The following ZNHIT6 variants were observed in gnomAD, a reference collection of about 807,000 sequenced individuals.
The protein encoded by ZNHIT6 is box C/D snoRNA protein 1.
In ZNHIT6, 45 loss-of-function variants were observed where a neutral mutation model predicts 57.2. The observed-to-expected ratio is 0.79, with a 90% CI of 0.62 to 1.01. The LOEUF is 1.01. ZNHIT6 is among the 50% of genes least tolerant of loss of function. The pLI, the probability that ZNHIT6 is intolerant of heterozygous loss-of-function variation, is 0.00. For synonymous variants in ZNHIT6, 188 were observed against 190.0 expected, an observed-to-expected ratio of 0.99 and a Z score of 0.09; for missense variants, 528 against 567.3, an observed-to-expected ratio of 0.93 and a Z score of 0.70.
At chr1:85,665,296 A>AT (rs890742141) in intron 8 of ZNHIT6, among the ~76,000 whole-genome samples, 6 of 144,902 alleles carry the variant, frequency 4.1e-5, no homozygotes, top group South Asian at 4.4e-4. Context: ...TTTGATTTTT[A>AT]TTTTTTTTTG....
At chr1:85,655,340 G>A (rs1403666993) in intron 9 of ZNHIT6, among the ~76,000 whole-genome samples, 1 of 152,124 alleles carries the variant, frequency 6.6e-6, no homozygotes, top group Non-Finnish European at 1.5e-5. Context: ...AAAGGTGAGC[G>A]AGGGAGAATG....
intron 8 of ZNHIT6, among the ~76,000 whole-genome samples, chr1:85,675,548 G>C (rs1167158753): frequency 3.9e-5 from 6 of 152,104 alleles, no homozygotes; most frequent in Non-Finnish European, 5.9e-5. Flanking sequence ...AAGGGCCCTA[G>C]GATCTCTGGA....
rs1018053081 is a variant in ZNHIT6 at position 85,653,089 on chromosome 1, A to G, written c.*969T>C. ...AACACCCTTCTGCAGTAATGATGAG[A>G]GTGGGCTAGGAATGTGATGAAAGGC... On this transcript the variant is annotated 3_prime_UTR_variant, in exon 10 of 10. Coordinates refer to ENST00000370574, the MANE Select transcript of ZNHIT6 (RefSeq NM_017953.4). 1 of 152,114 alleles carries G rather than the reference A, an allele frequency of 6.6e-6. No homozygotes were observed. Among genetic ancestry groups the G allele is most frequent in the Non-Finnish European group, 1.5e-5 (1 of 68,032 alleles). 9.4% of individuals were successfully genotyped at this position (152,114 alleles called of 1,614,324 possible). A position where few individuals can be genotyped will look rare whatever the true frequency, so the allele number is the denominator to read the frequency against.
intron 9 of ZNHIT6, among the ~76,000 whole-genome samples, chr1:85,654,807 T>C (rs1414314067): frequency 6.6e-6 from 1 of 152,182 alleles, no homozygotes; most frequent in Non-Finnish European, 1.5e-5. Flanking sequence ...AAGGAAATAA[T>C]AGGTAGTAAC....
chr1:85,703,377 A>G (rs556979550), intron 4 of ZNHIT6, among the ~76,000 whole-genome samples: 12 of 152,344 alleles, frequency 7.9e-5, no homozygotes, highest in African/African-American at 2.6e-4. Context: ...GGACTTAATC[A>G]GATAACAAGT....
chr1:85,681,285 A>T (rs1661865209), intron 5 of ZNHIT6, among the ~76,000 whole-genome samples: 2 of 152,320 alleles, frequency 1.3e-5, no homozygotes, highest in South Asian at 4.1e-4. Flanking sequence ...AGCTGGCTGG[A>T]GATACACTTC....
intron 9 of ZNHIT6, among the ~76,000 whole-genome samples, chr1:85,654,542 A>T (rs1661007061): frequency 6.6e-6 from 1 of 152,174 alleles, no homozygotes; most frequent in Non-Finnish European, 1.5e-5. Context: ...CACAGGAAAG[A>T]AGAATAGAAA....
chr1:85,694,778 A>G (rs1177418360), intron 5 of ZNHIT6, among the ~76,000 whole-genome samples: 2 of 152,206 alleles, frequency 1.3e-5, no homozygotes, highest in African/African-American at 4.8e-5. Context: ...TTCATAATAA[A>G]ATATGGGAAA....
At chr1:85,670,610 T>C (rs886941140) in intron 8 of ZNHIT6, among the ~76,000 whole-genome samples, 1 of 152,198 alleles carries the variant, frequency 6.6e-6, no homozygotes, top group African/African-American at 2.4e-5. Context: ...ATTTAAGTTT[T>C]ATTGGGATAA....
chr1:85,677,439 G>T, intron 7 of ZNHIT6, 126 bp from the exon 8 acceptor site: 1 of 626,040 alleles, frequency 1.6e-6, no homozygotes, highest in Non-Finnish European at 2.5e-6. Flanking sequence ...TAGAAAAGGA[G>T]ATAAAGATGT....
At chr1:85,659,492 A>G (rs1661166523) in intron 8 of ZNHIT6, among the ~76,000 whole-genome samples, 1 of 152,202 alleles carries the variant, frequency 6.6e-6, no homozygotes, top group Non-Finnish European at 1.5e-5. Context: ...GATCCAGCCT[A>G]ATGGCTGTAA....
chr1:85,662,687 GTAGTT>G (rs1290204377), intron 8 of ZNHIT6, among the ~76,000 whole-genome samples: 2 of 152,102 alleles, frequency 1.3e-5, no homozygotes, highest in Non-Finnish European at 2.9e-5. Context: ...AAAAATCACA[GTAGTT>G]AAGTTAGTGG....
chr1:85,702,773 GTGGGAAGCACAAAA>G (rs1662573438), intron 4 of ZNHIT6, among the ~76,000 whole-genome samples: 1 of 152,210 alleles, frequency 6.6e-6, no homozygotes, highest in African/African-American at 2.4e-5. Context: ...AACCACTGTT[GTGGGAAGCACAAAA>G]TGGGATATGA....
intron 8 of ZNHIT6, among the ~76,000 whole-genome samples, chr1:85,675,082 G>A (rs932074188): frequency 2.6e-5 from 4 of 152,252 alleles, no homozygotes; most frequent in Non-Finnish European, 4.4e-5. Flanking sequence ...AGTAATGCCC[G>A]TAAGATGTTA....
At chr1:85,656,727 G>C (rs1343787549) in intron 9 of ZNHIT6, among the ~76,000 whole-genome samples, 20 of 152,046 alleles carry the variant, frequency 1.3e-4, no homozygotes. Flanking sequence ...ATAAGATTTA[G>C]AGGCCCATAA....
At chr1:85,680,729 C>G (rs535556518) in intron 6 of ZNHIT6, 107 bp downstream of exon 6, 1 of 764,192 alleles carries the variant, frequency 1.3e-6, no homozygotes, top group East Asian at 2.7e-5. Context: ...TATAAATACA[C>G]CACAATTTAG....
intron 9 of ZNHIT6, among the ~76,000 whole-genome samples, chr1:85,654,454 T>C (rs1454251088): frequency 1.3e-5 from 2 of 152,178 alleles, no homozygotes; most frequent in African/African-American, 4.8e-5. Context: ...GATTTTTTTT[T>C]AAACTTAATT....
chr1:85,697,713 CTG>C (rs1388592124), intron 5 of ZNHIT6, among the ~76,000 whole-genome samples: 1 of 152,174 alleles, frequency 6.6e-6, no homozygotes, highest in Non-Finnish European at 1.5e-5. Context: ...TATTTATGAA[CTG>C]TCTTATTAAT....
chr1:85,688,853 A>G (rs1166071645), intron 5 of ZNHIT6, among the ~76,000 whole-genome samples: 1 of 131,886 alleles, frequency 7.6e-6, no homozygotes, highest in African/African-American at 3.2e-5. Context: ...AAAGAATCAG[A>G]AAAAAAAATG....
Sources: allele counts gnomAD v4.1 joint callset (sites outside exome capture counted in the v4.1 genomes callset), GRCh38; gene constraint gnomAD v4.1.1; transcripts MANE v1.5; gene names NCBI Gene and HGNC (gene_info 2026-07-23, HGNC 2026-07-21).